FARP2: variants seen among roughly 807,000 people sequenced by gnomAD.
FARP2 encodes FERM, ARH/RhoGEF and pleckstrin domain protein 2.
A neutral mutation model predicts 130.5 loss-of-function variants in FARP2; 111 were observed. The observed-to-expected ratio is 0.85, with a 90% CI of 0.73 to 1.00. FARP2 has a LOEUF of 1.00. Ranked by LOEUF, FARP2 falls within the 50% of genes least tolerant of loss-of-function variation. The pLI is 0.00. For synonymous variants in FARP2, 504 were observed against 516.9 expected (o/e 0.98, Z 0.34); for missense variants, 1,385 against 1,346.3 (o/e 1.03, Z -0.45).
chr2:241,386,528 G>A (rs1018294830), intron 2 of FARP2, among the ~76,000 whole-genome samples: 4 of 152,246 alleles, frequency 2.6e-5, no homozygotes, highest in African/African-American at 9.6e-5. Flanking sequence ...TTTGGGGGAA[G>A]CGTTTAAAGA....
At chr2:241,410,399 G>C (rs916645784) in intron 5 of FARP2, among the ~76,000 whole-genome samples, 8 of 151,894 alleles carry the variant, frequency 5.3e-5, no homozygotes, top group African/African-American at 1.9e-4. Context: ...ATTATATGTG[G>C]GTAGATGGTA....
chr2:241,455,040 G>A (rs1559787421), intron 13 of FARP2, among the ~76,000 whole-genome samples: 1 of 152,158 alleles, frequency 6.6e-6, no homozygotes, highest in Non-Finnish European at 1.5e-5. Flanking sequence ...CCAGCAAACA[G>A]GGAATCATGA....
chr2:241,476,026 T>C (rs1420777699), intron 19 of FARP2, 39 bp downstream of exon 19: 2 of 1,581,814 alleles, frequency 1.3e-6, no homozygotes, highest in East Asian at 2.3e-5. Flanking sequence ...TTGAGCTACT[T>C]TGGTTTTTCA....
intron 8 of FARP2, among the ~76,000 whole-genome samples, chr2:241,426,535 G>A (rs553514497): frequency 3.9e-5 from 6 of 152,256 alleles, no homozygotes; most frequent in African/African-American, 1.4e-4. Flanking sequence ...TGTGCTAGCT[G>A]TCATAAATGT....
intron 1 of FARP2, among the ~76,000 whole-genome samples, chr2:241,357,356 T>G (rs939228258): frequency 6.6e-6 from 1 of 152,172 alleles, no homozygotes; most frequent in Non-Finnish European, 1.5e-5. Context: ...CGACACAGAT[T>G]TTCTCAGTAC....
chr2:241,481,922 C>T (rs1015940233), intron 19 of FARP2, among the ~76,000 whole-genome samples: 2 of 152,170 alleles, frequency 1.3e-5, no homozygotes, highest in African/African-American at 4.8e-5. Context: ...AGCTGCTCAG[C>T]CCTGGGCCTT....
chr2:241,396,848 G>A (rs2062041981), intron 2 of FARP2, among the ~76,000 whole-genome samples: 1 of 152,152 alleles, frequency 6.6e-6, no homozygotes, highest in South Asian at 2.1e-4. Context: ...ATACCCAAAG[G>A]ACTATAAATC....
At chr2:241,426,920 T>C (rs1428898560) in intron 8 of FARP2, among the ~76,000 whole-genome samples, 1 of 152,106 alleles carries the variant, frequency 6.6e-6, no homozygotes, top group Non-Finnish European at 1.5e-5. Flanking sequence ...GCCCTCCATA[T>C]CCGCAGGAAA....
chr2:241,461,570 C>T (rs1281951547), intron 14 of FARP2, among the ~76,000 whole-genome samples: 1 of 152,234 alleles, frequency 6.6e-6, no homozygotes. Context: ...CCAGCCCCTC[C>T]TCTGCTCTGC....
At chr2:241,441,080 A>T (rs2063370529) in intron 12 of FARP2, among the ~76,000 whole-genome samples, 2 of 152,120 alleles carry the variant, frequency 1.3e-5, no homozygotes, top group Non-Finnish European at 1.5e-5. Context: ...AAGAGAAAAA[A>T]ATGGAATTGT....
At chr2:241,434,862 T>A in intron 10 of FARP2, 100 bp from the exon 11 acceptor site, 2 of 775,982 alleles carry the variant, frequency 2.6e-6, no homozygotes, top group Admixed American at 4.5e-5. Context: ...GTGTGTATAT[T>A]TATGAGAGAG....
intron 20 of FARP2, 126 bp downstream of exon 20, chr2:241,483,659 C>A: frequency 1.6e-6 from 2 of 1,269,214 alleles, no homozygotes; most frequent in South Asian, 2.6e-5. Flanking sequence ...AGGCTTTGGT[C>A]CAGGTGGGTA....
chr2:241,493,274 T>A lies in FARP2; in HGVS notation c.2896-19T>A, dbSNP rs890361811. On this transcript the variant is annotated intron_variant, in intron 25 of 26. Coordinates refer to ENST00000264042, the MANE Select transcript of FARP2 (RefSeq NM_014808.4). ...GGCAACCCAGCCCCTGGAACCCGTG[T>A]CCCTATGCTGTCTTGCAGGATGACT... The A allele has an allele frequency of 1.9e-6, 3 of 1,611,852 alleles. No homozygotes were observed. The highest frequency in any genetic ancestry group is 1.7e-6 in the Non-Finnish European group (2 of 1,178,810).
At chr2:241,481,791 A>G (rs187874723) in intron 19 of FARP2, among the ~76,000 whole-genome samples, 21 of 152,288 alleles carry the variant, frequency 1.4e-4, no homozygotes, top group Admixed American at 8.5e-4. Context: ...TACATAGGCA[A>G]AGGTGTAGGC....
At chr2:241,377,427 C>G (rs372310709) in intron 2 of FARP2, among the ~76,000 whole-genome samples, 34 of 152,006 alleles carry the variant, frequency 2.2e-4, no homozygotes, top group African/African-American at 7.7e-4. Context: ...CTGCAAGCTC[C>G]GCTTCCTGGG....
intron 1 of FARP2, among the ~76,000 whole-genome samples, chr2:241,357,692 A>G (rs1369747618): frequency 6.6e-6 from 1 of 152,162 alleles, no homozygotes. Context: ...CTTGTTGCAG[A>G]TTCTCATTAG....
Position 241,378,299 on chromosome 2 carries a change from C to T in FARP2, c.183+5009C>T, listed in dbSNP as rs190836568. Reference sequence around the variant, plus strand: ...TTTTTTTTTGTATTTTTAGTAGAGACGGGGTTTCATCATGTTGGCCAGGCT... The same window carrying T: ...TTTTTTTTTGTATTTTTAGTAGAGATGGGGTTTCATCATGTTGGCCAGGCT... On this transcript the variant is annotated intron_variant, in intron 2 of 26. Coordinates refer to ENST00000264042, the MANE Select transcript of FARP2 (RefSeq NM_014808.4). Among the ~76,000 whole-genome samples, 447 of 150,094 alleles carry T rather than the reference C, an allele frequency of 3.0e-3. 6 individuals are homozygous for T. Among genetic ancestry groups the T allele is most frequent in the East Asian group, 0.013 (66 of 5,102 alleles).
In FARP2 at chr2:241,382,292, ATTTTTTTTT is replaced by A. The variant is rs772855102; in HGVS notation, c.183+9014_183+9022del. On this transcript the variant is annotated intron_variant, in intron 2 of 26. Transcript: ENST00000264042. ...TTTTCAGTTTCTCTGTACAAAATCT[ATTTTTTTTT>A]TTTTTTTTTTTGAGGCAGGGTCTCA... Among the ~76,000 whole-genome samples, 688 of 126,266 alleles carry A rather than the reference ATTTTTTTTT, an allele frequency of 5.4e-3. 3 individuals carry two copies. The highest frequency in any genetic ancestry group is 0.019 in the African/African-American group (658 of 34,206). 82.8% of individuals were successfully genotyped at this position (126,266 alleles called of 152,430 possible). A position where few individuals can be genotyped will look rare whatever the true frequency, so the allele number is the denominator to read the frequency against.
intron 8 of FARP2, among the ~76,000 whole-genome samples, chr2:241,427,083 A>C (rs1324972190): frequency 2.6e-5 from 4 of 152,058 alleles, no homozygotes; most frequent in Non-Finnish European, 2.9e-5. Flanking sequence ...AAAAATACAA[A>C]AATTAGCCAG....
Sources: gnomAD v4.1 joint callset for allele counts (sites outside exome capture counted in the v4.1 genomes callset) on GRCh38, gnomAD v4.1.1 for gene constraint, MANE v1.5 for transcripts, NCBI Gene and HGNC (gene_info 2026-07-23, HGNC 2026-07-21) for gene names.